PDK3: variants seen among roughly 807,000 people sequenced by gnomAD.
The protein encoded by PDK3 is pyruvate dehydrogenase kinase 3.
PDK3 carries 12 observed loss-of-function variants against 32.0 expected under a neutral mutation model. That is an observed-to-expected ratio of 0.37 (90% confidence interval 0.24 to 0.61). PDK3 has a LOEUF of 0.61. PDK3 is among the 20% of genes least tolerant of loss of function. PDK3 has a pLI of 0.65. For missense variants in PDK3, 188 were observed against 316.9 expected (o/e 0.59, Z 3.09); for synonymous variants, 122 against 116.3 (o/e 1.05, Z -0.31).
At chrX:24,539,560 A>G (rs1278567763) in exon 12 of PDK3, 2 of 122,415 alleles carry the variant, frequency 1.6e-5, no homozygotes, top group African/African-American at 6.5e-5. Flanking sequence ...ACCAAATACC[A>G]TATTTGTCCC....
At chrX:24,532,746 A>T in intron 10 of PDK3, among the ~76,000 whole-genome samples, 1 of 111,485 alleles carries the variant, frequency 9.0e-6, no homozygotes, top group Middle Eastern at 4.6e-3. Flanking sequence ...GGAAAAATAG[A>T]ATTTTTCCCA....
At chrX:24,471,516 G>A (rs1026094465) in intron 1 of PDK3, among the ~76,000 whole-genome samples, 2 of 112,360 alleles carry the variant, frequency 1.8e-5, no homozygotes, top group Non-Finnish European at 3.8e-5. Context: ...GTTGTTTTCT[G>A]TGAATGTTCC....
At chrX:24,537,137 A>G (rs1298452092), downstream of PDK3, among the ~76,000 whole-genome samples, 3 of 63,743 alleles carry the variant, frequency 4.7e-5, no homozygotes, top group Admixed American at 5.7e-4. Context: ...TTTTTTTTTG[A>G]GACAGAGTCT....
At chrX:24,549,510 C>T (rs1035519106) in exon 12 of PDK3, 2 of 111,811 alleles carry the variant, frequency 1.8e-5, no homozygotes, top group Non-Finnish European at 3.8e-5. Context: ...AATTCTATTG[C>T]CTCCCTCATT....
intron 9 of PDK3, among the ~76,000 whole-genome samples, chrX:24,530,530 C>A (rs1487410583): frequency 9.0e-6 from 1 of 111,391 alleles, no homozygotes; most frequent in African/African-American, 3.3e-5. Flanking sequence ...TGCTCAGAGT[C>A]GCACAGAAAG....
At chrX:24,528,001 T>A (rs1922564605) in intron 8 of PDK3, 75 bp from the exon 9 acceptor site, 1 of 572,962 alleles carries the variant, frequency 1.7e-6, no homozygotes, top group African/African-American at 2.2e-5. Context: ...TGTACTTTAT[T>A]TAATGAACCC....
chrX:24,514,589 A>C (rs1328844389), intron 5 of PDK3, among the ~76,000 whole-genome samples: 1 of 112,236 alleles, frequency 8.9e-6, no homozygotes, highest in African/African-American at 3.2e-5. Flanking sequence ...CTCTAAATGT[A>C]AATTACAAGC....
Position 24,526,207 on chromosome X carries a change from C to A in PDK3, c.683C>A (p.Pro228Gln), listed in dbSNP as rs775466691. 8.3e-7 allele frequency: 1 copy of A among 1,204,670 alleles called. No homozygotes were observed. Among genetic ancestry groups the A allele is most frequent in the South Asian group, 1.8e-5 (1 of 56,587 alleles). ...LEVEEFNAKA[P>Q]DKPIQVVYVP... ...TTGTCTCTGTTTTCAGCCAAAGCGCCAGACAAACCTATTCAGGTGGTTTAT... is the reference window on the plus strand; with the variant it reads ...TTGTCTCTGTTTTCAGCCAAAGCGCAAGACAAACCTATTCAGGTGGTTTAT... The change falls in exon 7 of 11, where the codon CCA becomes CAA. Residue 228 changes from proline to glutamine, a missense_variant. Transcript: ENST00000379162.
intron 1 of PDK3, among the ~76,000 whole-genome samples, chrX:24,474,435 A>G (rs189281121): frequency 0.015 from 1,407 of 94,507 alleles, 30 homozygotes; most frequent in African/African-American, 0.051. Flanking sequence ...TTATTTTGAG[A>G]CGGAGTCTCA....
rs74314229 is a variant in PDK3 at position 24,475,184 on chromosome X, AT to A, written c.106+9637del. On this transcript the variant is annotated intron_variant, in intron 1 of 10. Coordinates refer to ENST00000379162, the MANE Select transcript of PDK3 (RefSeq NM_005391.5). ...GTACCTTTACATATGTAAATGACAGATTTTTTTTTTTTTTCCCTGTAAGCAG... is the reference window on the plus strand; with the variant it reads ...GTACCTTTACATATGTAAATGACAGATTTTTTTTTTTTTCCCTGTAAGCAG... Among the ~76,000 whole-genome samples, 648 of 103,454 alleles carry A rather than the reference AT, an allele frequency of 6.3e-3. 1 individual carries two copies. The highest frequency in any genetic ancestry group is 0.013 in the African/African-American group (369 of 28,760). The allele number at this position is 103,454 out of a possible 115,157, so 89.8% of individuals were successfully genotyped here. A position where few individuals can be genotyped will look rare whatever the true frequency, so the allele number is the denominator to read the frequency against.
At chrX:24,482,932 C>CAATCTCATA (rs758812056) in intron 1 of PDK3, among the ~76,000 whole-genome samples, 1 of 112,254 alleles carries the variant, frequency 8.9e-6, no homozygotes, top group Non-Finnish European at 1.9e-5. Context: ...AGATTGAGAA[C>CAATCTCATA]GTATGGCATA....
rs1175054593 is a variant in PDK3 at position 24,465,756 on chromosome X, C to T, written c.106+195C>T. 3.6e-5 allele frequency among the ~76,000 whole-genome samples: 4 copies of T among 111,806 alleles called. No individual in the cohort carries two copies. The East Asian group carries it at 1.1e-3, about 32-fold the overall frequency. On this transcript the variant is annotated intron_variant, in intron 1 of 10. Transcript: ENST00000379162. ...TGGCCCCCTCGCACCCAGCCTGGGA[C>T]TTACCCGGAGACACAGAAACGGCGT...
At position 24,534,228 on chromosome X, in the gene PDK3, A is replaced by C; in HGVS notation, c.*156A>C. The stretch of plus-strand genomic sequence containing the variant: ...TTATTTAAAAAGCAATTAAGTTTGC[A>C]GTTTGTCCTCATAAACGTTGTAGGT... On this transcript the variant is annotated 3_prime_UTR_variant, in exon 11 of 11. Coordinates refer to ENST00000379162, the MANE Select transcript of PDK3 (RefSeq NM_005391.5). 4 of 969,980 alleles carry C rather than the reference A, an allele frequency of 4.1e-6. No individual in the cohort carries two copies. The highest frequency in any genetic ancestry group is 5.2e-6 in the Non-Finnish European group (4 of 771,492). 79.9% of individuals were successfully genotyped at this position (969,980 alleles called of 1,213,427 possible). A position where few individuals can be genotyped will look rare whatever the true frequency, so the allele number is the denominator to read the frequency against.
chrX:24,549,185 T>A (rs754911806), exon 12 of PDK3: 2 of 111,459 alleles, frequency 1.8e-5, no homozygotes, highest in South Asian at 7.7e-4. Context: ...AGGCAGAATC[T>A]TCTCAGCCTT....
At chrX:24,497,064 G>A (rs1392589937) in intron 2 of PDK3, among the ~76,000 whole-genome samples, 1 of 109,313 alleles carries the variant, frequency 9.1e-6, no homozygotes, top group Admixed American at 9.8e-5. Flanking sequence ...ACAGGTGTGA[G>A]CCACCGCACC....
At chrX:24,545,832 C>A (rs959235455) in exon 12 of PDK3, 2 of 111,600 alleles carry the variant, frequency 1.8e-5, no homozygotes, top group Non-Finnish European at 3.8e-5. Context: ...ATCCCTGCCT[C>A]ATGAACCCAC....
intron 6 of PDK3, among the ~76,000 whole-genome samples, chrX:24,523,856 C>G (rs1053277032): frequency 2.7e-5 from 3 of 111,513 alleles, no homozygotes; most frequent in Admixed American, 9.5e-5. Flanking sequence ...ATGGAGAGCC[C>G]CAGGGGGATA....
Position 24,465,566 on chromosome X carries a change from G to C in PDK3, c.106+5G>C. The C allele has an allele frequency of 8.5e-7, 1 of 1,174,217 alleles. No homozygotes were observed. Among genetic ancestry groups the C allele is most frequent in the Non-Finnish European group, 1.2e-6 (1 of 863,593 alleles). On this transcript the variant is annotated splice_donor_5th_base_variant and intron_variant, in intron 1 of 10. Transcript: ENST00000379162. ...TCAAACAATTCCTGGACTTCGGTGAGTACGGGGCCAAGGGTCCCCATGGGC... is the reference window on the plus strand; with the variant it reads ...TCAAACAATTCCTGGACTTCGGTGACTACGGGGCCAAGGGTCCCCATGGGC...
At chrX:24,531,278 A>G (rs1017559809) in intron 9 of PDK3, among the ~76,000 whole-genome samples, 5 of 111,570 alleles carry the variant, frequency 4.5e-5, no homozygotes, top group African/African-American at 1.3e-4. Context: ...CAGGCTGATC[A>G]TGAATTCCTG....
Sources: allele counts gnomAD v4.1 joint callset (sites outside exome capture counted in the v4.1 genomes callset), GRCh38; gene constraint gnomAD v4.1.1; transcripts MANE v1.5; gene names NCBI Gene and HGNC (gene_info 2026-07-23, HGNC 2026-07-21).